Variants in SHOC1 observed in about 807,000 individuals in gnomAD.
SHOC1 encodes protein shortage in chiasmata 1 ortholog.
Under a neutral mutation model 179.2 loss-of-function variants are expected in SHOC1, and 136 were observed. The observed-to-expected ratio is 0.76, with a 90% confidence interval of 0.66 to 0.87. The LOEUF (loss-of-function observed/expected upper bound fraction) is 0.87. Among genes scored for constraint, SHOC1 ranks in the 40% least tolerant of loss-of-function variants. The pLI, the probability that SHOC1 is intolerant of heterozygous loss-of-function variation, is 0.00. For synonymous variants in SHOC1, 489 were observed against 586.6 expected (o/e 0.83, Z 2.41); for missense variants, 1,538 against 1,700.8 (o/e 0.90, Z 1.68).
intron 5 of SHOC1, among the ~76,000 whole-genome samples, chr9:111,774,460 C>A (rs1022834861): frequency 3.3e-5 from 5 of 152,100 alleles, no homozygotes; most frequent in African/African-American, 1.2e-4. Context: ...CCACACCTGG[C>A]TAATTTTTAA....
intron 19 of SHOC1, 133 bp from the exon 20 acceptor site, chr9:111,706,879 C>T (rs775783022): frequency 7.9e-6 from 4 of 504,606 alleles, no homozygotes; most frequent in African/African-American, 5.9e-5. Context: ...GGCACTGGTG[C>T]GTTTTCTGTT....
Position 111,694,319 on chromosome 9 carries a change from C to A in SHOC1, c.3227G>T (p.Arg1076Leu). The change falls in exon 25 of 28, where the codon CGA becomes CTA. Residue 1076 changes from arginine to leucine, a missense_variant. Coordinates refer to ENST00000682961, the MANE Select transcript of SHOC1 (RefSeq NM_001378211.1). ...CATTAAACTGTGGTCAGCAATTTGTCGAATTATCAAGGCAGTTGCTTCTAC... is the reference window on the plus strand; with the variant it reads ...CATTAAACTGTGGTCAGCAATTTGTAGAATTATCAAGGCAGTTGCTTCTAC... Reference protein sequence around the residue: ...PGVEATALIIRQIADHSLMTS... With the variant: ...PGVEATALIILQIADHSLMTS... The A allele has an allele frequency of 6.2e-7, 1 of 1,610,938 alleles. No individual in the cohort carries two copies. Among genetic ancestry groups the A allele is most frequent in the South Asian group, 1.1e-5 (1 of 90,786 alleles).
At chr9:111,728,097 A>G in intron 12 of SHOC1, 48 bp from the exon 13 acceptor site, 1 of 1,313,466 alleles carries the variant, frequency 7.6e-7, no homozygotes, top group Non-Finnish European at 1.0e-6. Context: ...CACCTAAACG[A>G]GTGTTCTATT....
At chr9:111,699,269 A>G (rs983595267) in intron 24 of SHOC1, among the ~76,000 whole-genome samples, 3 of 152,206 alleles carry the variant, frequency 2.0e-5, no homozygotes, top group African/African-American at 7.2e-5. Flanking sequence ...TAATTAAATT[A>G]GAATAGTGAT....
intron 24 of SHOC1, among the ~76,000 whole-genome samples, chr9:111,696,426 A>G (rs77531563): frequency 1.3e-5 from 2 of 152,214 alleles, no homozygotes; most frequent in Non-Finnish European, 2.9e-5. Context: ...CAATGTCATC[A>G]AGTCAGGAAA....
rs1564161086 is a variant in SHOC1, at chr9:111,769,975, G to GTTTGTTTTTTTTT, written c.442+5815_442+5816insAAAAAAAAACAAA. 2.5e-4 allele frequency among the ~76,000 whole-genome samples: 22 copies of GTTTGTTTTTTTTT among 87,794 alleles called. 2 individuals carry two copies. Among genetic ancestry groups the GTTTGTTTTTTTTT allele is most frequent in the East Asian group, 2.7e-4 (1 of 3,706 alleles). The allele number at this position is 87,794 out of a possible 152,430, so 57.6% of individuals were successfully genotyped here. A position where few individuals can be genotyped will look rare whatever the true frequency, so the allele number is the denominator to read the frequency against. ...AATCTAGCGAAAGGTTTTATCTTCT[G>GTTTGTTTTTTTTT]TTTTTTTTTTGTTTTTTTTTTTTTT... On this transcript the variant is annotated intron_variant, in intron 5 of 27. Coordinates refer to ENST00000682961, the MANE Select transcript of SHOC1 (RefSeq NM_001378211.1).
intron 16 of SHOC1, among the ~76,000 whole-genome samples, chr9:111,716,291 C>T (rs765369633): frequency 7.3e-5 from 11 of 150,108 alleles, no homozygotes; most frequent in Non-Finnish European, 1.6e-4. Flanking sequence ...TCAGTGGTCT[C>T]ACTTAACTAG....
At chr9:111,779,502 TG>T (rs1227552881) in intron 4 of SHOC1, among the ~76,000 whole-genome samples, 11 of 152,338 alleles carry the variant, frequency 7.2e-5, no homozygotes, top group South Asian at 4.1e-4. Flanking sequence ...TGTCTATGCC[TG>T]GAGACATGCT....
rs1831461413 is a variant in SHOC1, at chr9:111,692,017, G to A, written c.3960C>T (p.Val1320=). 6.2e-7 allele frequency: 1 copy of A among 1,612,980 alleles called. No individual in the cohort carries two copies. The highest frequency in any genetic ancestry group is 1.3e-5 in the African/African-American group (1 of 74,798). The change falls in exon 27 of 28, where the codon GTC becomes GTT. Residue 1320 remains valine (V), a synonymous_variant. Coordinates refer to ENST00000682961, the MANE Select transcript of SHOC1 (RefSeq NM_001378211.1). ...TTTTCTGAGAATTTATAAAACGGGG[G>A]ACAACTGACACTCTCTTCTGAGTGT... ...PTDTQKRVSV[V]PRFINSQKRR... is the part of the protein sequence containing the mutation.
At chr9:111,704,021 A>T (rs1832125772) in intron 21 of SHOC1, 29 bp from the exon 22 acceptor site, 2 of 1,180,330 alleles carry the variant, frequency 1.7e-6, no homozygotes, top group African/African-American at 1.5e-5. Flanking sequence ...TTGAGTGAAA[A>T]AATGAAATGC....
intron 24 of SHOC1, among the ~76,000 whole-genome samples, chr9:111,697,133 G>A (rs1339714405): frequency 1.3e-5 from 2 of 151,536 alleles, no homozygotes; most frequent in African/African-American, 2.4e-5. Context: ...GCAGGAGAAT[G>A]GGAGGAGAGA....
At chr9:111,710,473 T>C (rs1832491435) in intron 18 of SHOC1, among the ~76,000 whole-genome samples, 1 of 152,208 alleles carries the variant, frequency 6.6e-6, no homozygotes, top group Non-Finnish European at 1.5e-5. Context: ...ACTACGTATA[T>C]AGAGAGGCAC....
intron 8 of SHOC1, among the ~76,000 whole-genome samples, chr9:111,753,897 G>A (rs1230977991): frequency 6.6e-6 from 1 of 152,034 alleles, no homozygotes; most frequent in Non-Finnish European, 1.5e-5. Context: ...AGGGTGTAGG[G>A]GAAATGAGGA....
chr9:111,746,082 T>C (rs1247844507), intron 10 of SHOC1, 152 bp downstream of exon 10: 3 of 445,790 alleles, frequency 6.7e-6, no homozygotes, highest in South Asian at 4.2e-5. Flanking sequence ...CATAAATTTA[T>C]ATATTCCTTT....
At chr9:111,721,971 T>C (rs1263353064) in intron 15 of SHOC1, among the ~76,000 whole-genome samples, 1 of 152,220 alleles carries the variant, frequency 6.6e-6, no homozygotes, top group African/African-American at 2.4e-5. Context: ...ACTGGTTTAA[T>C]GTATTTTATC....
chr9:111,779,352 C>T (rs1429640904), intron 4 of SHOC1, among the ~76,000 whole-genome samples: 3 of 152,238 alleles, frequency 2.0e-5, no homozygotes, highest in East Asian at 1.9e-4. Context: ...AGTGTTAATG[C>T]TGCCAGTCCA....
intron 7 of SHOC1, among the ~76,000 whole-genome samples, 179 bp downstream of exon 7, chr9:111,757,905 A>T (rs186207644): frequency 2.0e-5 from 3 of 152,240 alleles, no homozygotes; most frequent in Admixed American, 2.0e-4. Flanking sequence ...TAATTCCAAC[A>T]TACAGCCAAG....
chr9:111,750,818 C>T (rs1834543332), intron 8 of SHOC1, among the ~76,000 whole-genome samples: 1 of 152,146 alleles, frequency 6.6e-6, no homozygotes, highest in Admixed American at 6.5e-5. Flanking sequence ...ATGATAGTTT[C>T]TTTTGCTGTG....
At position 111,786,024 on chromosome 9, in the gene SHOC1, T is replaced by G. The variant is rs994956999; in HGVS notation, c.57A>C (p.Arg19Ser). 6.7e-7 allele frequency: 1 copy of G among 1,494,678 alleles called. No homozygotes were observed. Among genetic ancestry groups the G allele is most frequent in the African/African-American group, 1.4e-5 (1 of 69,806 alleles). 92.6% of individuals were successfully genotyped at this position (1,494,678 alleles called of 1,614,324 possible). Reference protein sequence around the residue: ...AIDYLYENVVRKKFYRDALLL... With the variant: ...AIDYLYENVVSKKFYRDALLL... ...ATAAAGCATCTCTGTAAAACTTCTT[T>G]CTAACCACATTCTGTGGAAGAAAGA... Residue 19 changes from arginine to serine, a missense_variant, in exon 3 of 28, where the codon AGA becomes AGC. Physicochemically the swap from Arg to Ser is moderately radical, Grantham distance 110. Transcript: ENST00000682961.
Sources: allele counts gnomAD v4.1 joint callset (sites outside exome capture counted in the v4.1 genomes callset), GRCh38; gene constraint gnomAD v4.1.1; transcripts MANE v1.5; gene names NCBI Gene and HGNC (gene_info 2026-07-23, HGNC 2026-07-21).